MAML3: variants seen among roughly 807,000 people sequenced by gnomAD.
The protein encoded by MAML3 is mastermind like transcriptional coactivator 3.
In MAML3, 27 loss-of-function variants were observed where a neutral mutation model predicts 101.9. That is an observed-to-expected ratio of 0.27 (90% CI 0.20 to 0.37). The LOEUF is 0.37. Among genes scored for constraint, MAML3 ranks in the 10% least tolerant of loss-of-function variants. The pLI is 1.00. For synonymous variants in MAML3, 501 were observed against 555.9 expected (o/e 0.90, Z 1.39); for missense variants, 1,316 against 1,444.9 (o/e 0.91, Z 1.45).
In MAML3 at chr4:139,785,633, T is replaced by C. The variant is rs1730293182; in HGVS notation, c.2080-54966A>G. Reference sequence around the variant, plus strand: ...GCTCCCCAGCGCCTGGGGCACTGCATGGAGAGATCTGTCCCTTCATTCACA... The same window carrying C: ...GCTCCCCAGCGCCTGGGGCACTGCACGGAGAGATCTGTCCCTTCATTCACA... On this transcript the variant is annotated intron_variant, in intron 2 of 4. Transcript: ENST00000509479. This position sits in a 1 kb window ranked among gnomAD's most constrained non-coding sequence, Gnocchi z 4.3. Among the ~76,000 whole-genome samples the C allele has an allele frequency of 6.6e-6, 1 of 152,174 alleles. No homozygotes were observed.
intron 1 of MAML3, among the ~76,000 whole-genome samples, chr4:140,134,954 C>G (rs545389906): frequency 6.6e-6 from 1 of 152,184 alleles, no homozygotes; most frequent in Non-Finnish European, 1.5e-5. Flanking sequence ...CTCCCAGGAC[C>G]GAGTAGCCCT....
intron 1 of MAML3, among the ~76,000 whole-genome samples, chr4:140,049,283 G>A (rs766302772): frequency 1.3e-5 from 2 of 152,156 alleles, no homozygotes; most frequent in Non-Finnish European, 2.9e-5. Flanking sequence ...AGAAAAGGTG[G>A]GAGGGAGAGG....
chr4:139,743,884 TAATA>T (rs1479015469), intron 2 of MAML3, among the ~76,000 whole-genome samples: 1 of 152,162 alleles, frequency 6.6e-6, no homozygotes, highest in African/African-American at 2.4e-5. Flanking sequence ...GAGTCCCCAT[TAATA>T]AATAAAAGTA....
chr4:140,120,161 C>T (rs1269596829), intron 1 of MAML3, among the ~76,000 whole-genome samples: 1 of 150,664 alleles, frequency 6.6e-6, no homozygotes, highest in Non-Finnish European at 1.5e-5. Flanking sequence ...GGCGTGAACC[C>T]GGGAGGCGGA....
intron 1 of MAML3, among the ~76,000 whole-genome samples, chr4:140,009,491 A>T (rs922113279): frequency 6.6e-6 from 1 of 151,836 alleles, no homozygotes; most frequent in African/African-American, 2.4e-5. Flanking sequence ...TTTTCCTATA[A>T]TTTTTTTTGT....
intron 2 of MAML3, among the ~76,000 whole-genome samples, chr4:139,830,912 G>A (rs1250735157): frequency 2.0e-5 from 3 of 152,082 alleles, no homozygotes; most frequent in Non-Finnish European, 2.9e-5. Flanking sequence ...AGGTTATAAT[G>A]TACTTTGAGG....
intron 1 of MAML3, among the ~76,000 whole-genome samples, chr4:139,999,074 T>A (rs1734874656): frequency 6.6e-6 from 1 of 152,244 alleles, no homozygotes. Flanking sequence ...ATCTCTTCGA[T>A]GCATGTGCTC....
intron 2 of MAML3, among the ~76,000 whole-genome samples, chr4:139,825,888 T>C (rs761826961): frequency 1.9e-4 from 29 of 152,004 alleles, no homozygotes; most frequent in Non-Finnish European, 2.9e-5. Context: ...AGAGGAGGCA[T>C]GGGTGTTCTG....
At chr4:139,829,870 T>A (rs930435803) in intron 2 of MAML3, among the ~76,000 whole-genome samples, 12 of 152,300 alleles carry the variant, frequency 7.9e-5, no homozygotes, top group African/African-American at 9.6e-5. Context: ...TATAACTTTT[T>A]AAAAAAATAT....
chr4:139,928,280 G>T (rs994344373), intron 1 of MAML3, among the ~76,000 whole-genome samples: 1 of 152,160 alleles, frequency 6.6e-6, no homozygotes, highest in Non-Finnish European at 1.5e-5. Flanking sequence ...ATTTGGAAAT[G>T]GATTTATTCA....
chr4:140,063,034 C>T (rs1727472874), intron 1 of MAML3, among the ~76,000 whole-genome samples: 1 of 152,114 alleles, frequency 6.6e-6, no homozygotes, highest in Non-Finnish European at 1.5e-5. Flanking sequence ...ATTTTATATA[C>T]ATTATTTACT....
At chr4:139,810,915 T>C (rs1237198331) in intron 2 of MAML3, among the ~76,000 whole-genome samples, 3 of 152,280 alleles carry the variant, frequency 2.0e-5, no homozygotes, top group African/African-American at 7.2e-5. Flanking sequence ...TATAGAAGTA[T>C]GCTGGGAATT....
chr4:140,112,661 C>T (rs1728456130), intron 1 of MAML3, among the ~76,000 whole-genome samples: 1 of 152,234 alleles, frequency 6.6e-6, no homozygotes, highest in African/African-American at 2.4e-5. Flanking sequence ...AGGGCCAGCA[C>T]ACCAGCCAGT....
chr4:139,720,592 G>A (rs1420976096), intron 4 of MAML3, among the ~76,000 whole-genome samples: 2 of 152,132 alleles, frequency 1.3e-5, no homozygotes, highest in African/African-American at 4.8e-5. Context: ...TCTTTTATTT[G>A]TATATAAATA....
At chr4:139,990,073 AT>A (rs887178726) in intron 1 of MAML3, among the ~76,000 whole-genome samples, 1 of 152,106 alleles carries the variant, frequency 6.6e-6, no homozygotes, top group African/African-American at 2.4e-5. Context: ...AGTAATCTTG[AT>A]TTTTTTCACT....
chr4:139,749,433 G>A (rs896199871), intron 2 of MAML3, among the ~76,000 whole-genome samples: 1 of 152,190 alleles, frequency 6.6e-6, no homozygotes, highest in Non-Finnish European at 1.5e-5. Flanking sequence ...AGCGAAATCT[G>A]ATTGTTTTCT....
chr4:139,921,553 C>A (rs1452341252), intron 1 of MAML3, among the ~76,000 whole-genome samples: 1 of 152,132 alleles, frequency 6.6e-6, no homozygotes, highest in African/African-American at 2.4e-5. Flanking sequence ...TAACGCCGAT[C>A]TGTGGGGAGA....
chr4:140,110,751 G>GT (rs1403921841), intron 1 of MAML3, among the ~76,000 whole-genome samples: 3 of 152,228 alleles, frequency 2.0e-5, no homozygotes, highest in African/African-American at 7.2e-5. Context: ...TCAAATCCTA[G>GT]TAAGACTGCT....
chr4:140,091,182 A>G (rs529329848), intron 1 of MAML3, among the ~76,000 whole-genome samples: 3 of 152,280 alleles, frequency 2.0e-5, no homozygotes, highest in African/African-American at 7.2e-5. Flanking sequence ...TGCATAGCAA[A>G]AAGCCCTACA....
Sources: allele counts gnomAD v4.1 joint callset (sites outside exome capture counted in the v4.1 genomes callset), GRCh38; gene constraint gnomAD v4.1.1; non-coding constraint Gnocchi (gnomAD v3.1); transcripts MANE v1.5; gene names NCBI Gene and HGNC (gene_info 2026-07-23, HGNC 2026-07-21).